SCD5: variants seen among roughly 807,000 people sequenced by gnomAD.
SCD5 encodes acyl-CoA-desaturase 4.
In SCD5, 20 loss-of-function variants were observed where a neutral mutation model predicts 30.4. That is an observed-to-expected ratio of 0.66 (90% confidence interval 0.46 to 0.96). The LOEUF (loss-of-function observed/expected upper bound fraction) is 0.96, where lower values mean the gene tolerates loss of function less well. SCD5 is among the 40% of genes least tolerant of loss of function. SCD5 has a pLI of 0.00. For synonymous variants in SCD5, 173 were observed against 176.4 expected, an observed-to-expected ratio of 0.98 and a Z score of 0.16; for missense variants, 381 against 443.3, an observed-to-expected ratio of 0.86 and a Z score of 1.26.
At chr4:82,748,856 G>A (rs745976371) in intron 1 of SCD5, among the ~76,000 whole-genome samples, 48 of 152,298 alleles carry the variant, frequency 3.2e-4, no homozygotes, top group Non-Finnish European at 5.7e-4. Flanking sequence ...AGAGACAGCA[G>A]TGGCTCTATC....
chr4:82,767,326 G>A (rs972984057), intron 1 of SCD5, among the ~76,000 whole-genome samples: 2 of 151,772 alleles, frequency 1.3e-5, no homozygotes, highest in African/African-American at 4.8e-5. Context: ...CTTCTCTCTG[G>A]AACTCTTCTT....
intron 1 of SCD5, among the ~76,000 whole-genome samples, chr4:82,737,581 A>G (rs2148837763): frequency 6.6e-6 from 1 of 152,284 alleles, no homozygotes; most frequent in South Asian, 2.1e-4. Context: ...AGACAGCCTG[A>G]TTTTTAAGTT....
intron 1 of SCD5, among the ~76,000 whole-genome samples, chr4:82,748,057 A>T (rs1026921464): frequency 1.3e-5 from 2 of 152,242 alleles, no homozygotes; most frequent in African/African-American, 4.8e-5. Context: ...GCTTTTGTTC[A>T]TGTTGCTGTA....
intron 1 of SCD5, among the ~76,000 whole-genome samples, chr4:82,748,906 T>A (rs1187136728): frequency 6.6e-6 from 1 of 152,124 alleles, no homozygotes; most frequent in Non-Finnish European, 1.5e-5. Flanking sequence ...TTCTCTACAG[T>A]GCATGAGTCA....
chr4:82,764,959 T>G (rs1461861844), intron 1 of SCD5, among the ~76,000 whole-genome samples: 1 of 152,186 alleles, frequency 6.6e-6, no homozygotes, highest in African/African-American at 2.4e-5. Context: ...ACTCCTGATC[T>G]CAGGTGATCC....
At chr4:82,708,854 C>T (rs998777005) in intron 1 of SCD5, among the ~76,000 whole-genome samples, 1 of 152,248 alleles carries the variant, frequency 6.6e-6, no homozygotes, top group East Asian at 1.9e-4. Flanking sequence ...AGCACTTGGC[C>T]GAGCTCTCTA....
At chr4:82,794,322 T>C (rs1021539217) in intron 1 of SCD5, among the ~76,000 whole-genome samples, 1 of 152,162 alleles carries the variant, frequency 6.6e-6, no homozygotes, top group Non-Finnish European at 1.5e-5. Flanking sequence ...ACTGAAGTTA[T>C]CTCATGAGGA....
At chr4:82,753,251 T>A in intron 1 of SCD5, 1 of 460,254 alleles carries the variant, frequency 2.2e-6, no homozygotes, top group South Asian at 1.6e-5. Flanking sequence ...AAGCCTCACC[T>A]GAGACCAAAT....
chr4:82,715,627 A>T (rs1264305550), intron 1 of SCD5, among the ~76,000 whole-genome samples: 3 of 151,328 alleles, frequency 2.0e-5, no homozygotes, highest in African/African-American at 7.4e-5. Flanking sequence ...CATATATTCT[A>T]GAACCTCATA....
At chr4:82,739,758 G>A (rs1331319556) in intron 1 of SCD5, among the ~76,000 whole-genome samples, 1 of 152,252 alleles carries the variant, frequency 6.6e-6, no homozygotes, top group African/African-American at 2.4e-5. Flanking sequence ...GCTTAGCCAT[G>A]CTGATCGTGA....
Position 82,631,436 on chromosome 4 carries a change from G to A in SCD5, c.884C>T (p.Thr295Ile). 1 of 1,614,186 alleles carries A rather than the reference G, an allele frequency of 6.2e-7. No homozygotes were observed. The highest frequency in any genetic ancestry group is 8.5e-7 in the Non-Finnish European group (1 of 1,180,036). Reference sequence around the variant, plus strand: ...CCAGCACATGAAATCAATGAACCAGGTGGTTGGGTTAAAATTTAAGCCAAA... The same window carrying A: ...CCAGCACATGAAATCAATGAACCAGATGGTTGGGTTAAAATTTAAGCCAAA... ...SEFGLNFNPT[T>I]WFIDFMCWLG... The change falls in exon 5 of 5, where the codon ACC (threonine) becomes ATC (isoleucine). Residue 295 changes from threonine (T) to isoleucine (I), a missense_variant. Thr to Ile is a moderately conservative substitution (Grantham distance 89). Transcript: ENST00000319540.
At chr4:82,786,269 G>A (rs1189197321) in intron 1 of SCD5, among the ~76,000 whole-genome samples, 1 of 152,192 alleles carries the variant, frequency 6.6e-6, no homozygotes, top group African/African-American at 2.4e-5. Flanking sequence ...TGTTAAGGAG[G>A]AGGGTGCTAT....
At chr4:82,689,243 T>A (rs1728777686) in intron 2 of SCD5, among the ~76,000 whole-genome samples, 2 of 152,148 alleles carry the variant, frequency 1.3e-5, no homozygotes, top group Admixed American at 6.5e-5. Flanking sequence ...AAGGAAGTGC[T>A]TAAAAAATGA....
chr4:82,784,399 T>C (rs978618364), intron 1 of SCD5, among the ~76,000 whole-genome samples: 7 of 152,238 alleles, frequency 4.6e-5, no homozygotes, highest in African/African-American at 1.7e-4. Flanking sequence ...TGCCATCTTC[T>C]ACATCATATT....
intron 1 of SCD5, among the ~76,000 whole-genome samples, chr4:82,742,579 G>T (rs1720898216): frequency 6.6e-6 from 1 of 152,228 alleles, no homozygotes; most frequent in South Asian, 2.1e-4. Flanking sequence ...TTGAGGCCAG[G>T]AGTTCAAGAC....
At chr4:82,636,031 T>C (rs1727421796) in intron 4 of SCD5, among the ~76,000 whole-genome samples, 1 of 152,228 alleles carries the variant, frequency 6.6e-6, no homozygotes, top group Admixed American at 6.5e-5. Context: ...TCATGGTGAA[T>C]AACTACTAGT....
intron 2 of SCD5, among the ~76,000 whole-genome samples, chr4:82,683,093 A>C (rs1490368490): frequency 6.6e-6 from 1 of 152,222 alleles, no homozygotes; most frequent in African/African-American, 2.4e-5. Context: ...GGAGGCAGAA[A>C]GTTCCGACAA....
At chr4:82,686,790 TAC>T (rs1388922027) in intron 2 of SCD5, among the ~76,000 whole-genome samples, 1 of 141,692 alleles carries the variant, frequency 7.1e-6, no homozygotes, top group Non-Finnish European at 1.5e-5. Flanking sequence ...GAAAGAATTC[TAC>T]TAGTGTTGTA....
At chr4:82,771,921 C>T (rs746138519) in intron 1 of SCD5, among the ~76,000 whole-genome samples, 31 of 152,214 alleles carry the variant, frequency 2.0e-4, no homozygotes, top group Non-Finnish European at 4.1e-4. Context: ...GAGGGAGCCA[C>T]ACTCATGATC....
Sources: gnomAD v4.1 joint callset for allele counts (sites outside exome capture counted in the v4.1 genomes callset) on GRCh38, gnomAD v4.1.1 for gene constraint, MANE v1.5 for transcripts, NCBI Gene and HGNC (gene_info 2026-07-23, HGNC 2026-07-21) for gene names.